GAS2: variants seen among roughly 807,000 people sequenced by gnomAD.
The protein encoded by GAS2 is growth arrest specific 2.
A neutral mutation model predicts 37.5 loss-of-function variants in GAS2; 20 were observed. That is an observed-to-expected ratio of 0.53 (90% CI 0.37 to 0.77). GAS2 has a LOEUF of 0.77. GAS2 is among the 30% of genes least tolerant of loss of function. The pLI, the probability that GAS2 is intolerant of heterozygous loss-of-function variation, is 0.00. For synonymous variants in GAS2, 144 were observed against 132.2 expected, an observed-to-expected ratio of 1.09 and a Z score of -0.61; for missense variants, 336 against 373.4, an observed-to-expected ratio of 0.90 and a Z score of 0.82.
chr11:22,650,120 T>A (rs1848755808), intron 1 of GAS2, among the ~76,000 whole-genome samples: 1 of 152,170 alleles, frequency 6.6e-6, no homozygotes, highest in African/African-American at 2.4e-5. Flanking sequence ...ATGTTGTGTC[T>A]TTTTTCTCGT....
chr11:22,790,536 C>T (rs920766911), intron 7 of GAS2, among the ~76,000 whole-genome samples: 7 of 151,872 alleles, frequency 4.6e-5, no homozygotes, highest in Non-Finnish European at 7.4e-5. Flanking sequence ...TTTCACAAAA[C>T]CTATTGCCCT....
chr11:22,745,249 T>C (rs1853327979), intron 5 of GAS2, among the ~76,000 whole-genome samples: 1 of 152,050 alleles, frequency 6.6e-6, no homozygotes, highest in Non-Finnish European at 1.5e-5. Flanking sequence ...AACAGTGTGG[T>C]ACTGGTACAA....
chr11:22,688,161 G>C (rs1037169179), intron 3 of GAS2, among the ~76,000 whole-genome samples: 4 of 152,112 alleles, frequency 2.6e-5, no homozygotes, highest in African/African-American at 9.7e-5. Context: ...TTAATTGGAC[G>C]TGTCTGAGCC....
chr11:22,695,003 A>G (rs144659613), intron 3 of GAS2, among the ~76,000 whole-genome samples: 1,871 of 152,284 alleles, frequency 0.012, 39 homozygotes, highest in African/African-American at 0.041. Context: ...CGCCTGGTAG[A>G]GGTTGTCAGC....
intron 7 of GAS2, among the ~76,000 whole-genome samples, chr11:22,769,832 CA>C (rs2134419497): frequency 6.6e-6 from 1 of 152,158 alleles, no homozygotes; most frequent in East Asian, 1.9e-4. Context: ...TAATTACAAC[CA>C]AAGAAAGTGG....
At chr11:22,629,580 C>T (rs1015701484) in intron 1 of GAS2, among the ~76,000 whole-genome samples, 2 of 151,994 alleles carry the variant, frequency 1.3e-5, no homozygotes, top group Non-Finnish European at 2.9e-5. Context: ...TTTTTTCATA[C>T]ATTTGTTGGC....
At chr11:22,688,589 T>C (rs770643867) in intron 3 of GAS2, among the ~76,000 whole-genome samples, 2 of 152,148 alleles carry the variant, frequency 1.3e-5, no homozygotes, top group Non-Finnish European at 2.9e-5. Flanking sequence ...TAAACAGCCA[T>C]TTCAATATTA....
intron 7 of GAS2, among the ~76,000 whole-genome samples, chr11:22,775,302 C>G (rs1855201659): frequency 1.3e-5 from 2 of 152,062 alleles, no homozygotes; most frequent in Non-Finnish European, 2.9e-5. Flanking sequence ...GTGTGGAGGT[C>G]AAGAGGGTGG....
At chr11:22,810,384 A>T (rs552849767) in intron 7 of GAS2, among the ~76,000 whole-genome samples, 1 of 152,232 alleles carries the variant, frequency 6.6e-6, no homozygotes, top group African/African-American at 2.4e-5. Context: ...GTTTCCTGAG[A>T]AGGGAACTCA....
upstream of GAS2, among the ~76,000 whole-genome samples, chr11:22,664,015 T>C (rs1005238893): frequency 3.9e-5 from 6 of 152,204 alleles, no homozygotes; most frequent in South Asian, 2.1e-4. Context: ...ATGTATTTTT[T>C]AATACCATTG....
At chr11:22,744,609 A>T (rs939894260) in intron 5 of GAS2, among the ~76,000 whole-genome samples, 12 of 150,428 alleles carry the variant, frequency 8.0e-5, no homozygotes, top group African/African-American at 2.2e-4. Flanking sequence ...CCTTCATGAT[A>T]AAAAAAACCC....
chr11:22,691,673 G>C (rs557147583), intron 3 of GAS2, among the ~76,000 whole-genome samples: 14 of 152,122 alleles, frequency 9.2e-5, no homozygotes, highest in Admixed American at 8.5e-4. Flanking sequence ...AATATAAGTG[G>C]CATGATGTAG....
At chr11:22,738,824 G>A (rs1852894187) in intron 5 of GAS2, among the ~76,000 whole-genome samples, 1 of 152,152 alleles carries the variant, frequency 6.6e-6, no homozygotes, top group Admixed American at 6.5e-5. Context: ...TAATCTTCAT[G>A]AATTGTGCAT....
At chr11:22,670,035 A>T (rs1471536458) in intron 1 of GAS2, among the ~76,000 whole-genome samples, 2 of 152,158 alleles carry the variant, frequency 1.3e-5, no homozygotes, top group South Asian at 2.1e-4. Context: ...TGGGTGGTTT[A>T]TTCTTTGAGT....
intron 3 of GAS2, among the ~76,000 whole-genome samples, chr11:22,688,178 T>G (rs2133956175): frequency 6.6e-6 from 1 of 152,352 alleles, no homozygotes; most frequent in South Asian, 2.1e-4. Flanking sequence ...AGCCGTACTT[T>G]CCTTATCTGT....
chr11:22,729,066 G>T (rs1852350835), intron 4 of GAS2, among the ~76,000 whole-genome samples: 1 of 151,264 alleles, frequency 6.6e-6, no homozygotes, highest in East Asian at 2.0e-4. Flanking sequence ...TTTCATTTCA[G>T]TGGCACAGAA....
intron 7 of GAS2, among the ~76,000 whole-genome samples, chr11:22,786,181 G>A (rs1855809320): frequency 6.6e-6 from 1 of 151,968 alleles, no homozygotes; most frequent in African/African-American, 2.4e-5. Flanking sequence ...CAATCACAAA[G>A]CTTACCAGGC....
chr11:22,811,865 T>C lies in GAS2; in HGVS notation c.791T>C (p.Leu264Ser). The C allele has an allele frequency of 6.2e-7, 1 of 1,614,132 alleles. No individual in the cohort carries two copies. ...GGWETFAGYL[L>S]KHDPCRMLQI... ...TGGGAAACTTTTGCAGGGTATTTGTTGAAACACGACCCCTGCCGAATGCTG... is the reference window on the plus strand; with the variant it reads ...TGGGAAACTTTTGCAGGGTATTTGTCGAAACACGACCCCTGCCGAATGCTG... The change falls in exon 8 of 8, where the codon TTG becomes TCG. Residue 264 changes from leucine (L) to serine (S), a missense_variant. By Grantham distance (145) the Leu-to-Ser change is moderately radical (BLOSUM62 -2). Coordinates refer to ENST00000454584, the MANE Select transcript of GAS2 (RefSeq NM_001143830.3).
chr11:22,774,377 A>G (rs1044302690), intron 7 of GAS2, among the ~76,000 whole-genome samples: 1 of 152,226 alleles, frequency 6.6e-6, no homozygotes, highest in African/African-American at 2.4e-5. Flanking sequence ...GAGCTCTCTC[A>G]ACTTACTAGG....
Sources: allele counts gnomAD v4.1 joint callset (sites outside exome capture counted in the v4.1 genomes callset), GRCh38; gene constraint gnomAD v4.1.1; transcripts MANE v1.5; gene names NCBI Gene and HGNC (gene_info 2026-07-23, HGNC 2026-07-21).